The following CDCP1 variants were observed in gnomAD, a reference collection of about 807,000 sequenced individuals.
CDCP1 encodes CUB domain-containing protein 1.
Under a neutral mutation model 60.2 loss-of-function variants are expected in CDCP1, and 29 were observed. The ratio of observed to expected loss-of-function variants is 0.48; its 90% CI spans 0.36 to 0.66. CDCP1 has a LOEUF of 0.66. Ranked by LOEUF, CDCP1 falls within the 30% of genes least tolerant of loss-of-function variation. CDCP1 has a pLI of 0.00. For synonymous variants in CDCP1, 387 were observed against 431.1 expected (o/e 0.90, Z 1.27); for missense variants, 876 against 1,074.3 (o/e 0.82, Z 2.58).
intron 8 of CDCP1, among the ~76,000 whole-genome samples, chr3:45,086,425 T>G (rs529710924): frequency 7.3e-4 from 111 of 152,370 alleles, no homozygotes; most frequent in Non-Finnish European, 1.2e-3. Context: ...AAATGGGCAG[T>G]GTCCCAGACC....
At chr3:45,088,933 A>G (rs1698244969) in intron 8 of CDCP1, 121 bp downstream of exon 8, 2 of 823,742 alleles carry the variant, frequency 2.4e-6, no homozygotes, top group African/African-American at 3.4e-5. Flanking sequence ...ATTGTTTAAC[A>G]TTGATCTTTG....
chr3:45,087,600 C>A (rs1465567858), intron 8 of CDCP1, among the ~76,000 whole-genome samples: 2 of 152,190 alleles, frequency 1.3e-5, no homozygotes, highest in African/African-American at 4.8e-5. Flanking sequence ...ATAGGTACAG[C>A]CACTTCTCAT....
chr3:45,146,164 C>T (rs1211567616), intron 1 of CDCP1, 42 bp downstream of exon 1: 2 of 1,535,540 alleles, frequency 1.3e-6, no homozygotes, highest in South Asian at 1.2e-5. Context: ...GGCTGGCTAG[C>T]TCACCACTCC....
In CDCP1 at chr3:45,112,164, C is replaced by T. The variant is rs768077161; in HGVS notation, c.574G>A (p.Val192Met). Residue 192 changes from valine (V) to methionine (M), a missense_variant, in exon 3 of 9, where the codon GTG becomes ATG. Coordinates refer to ENST00000296129, the MANE Select transcript of CDCP1 (RefSeq NM_022842.5). ...TVSRIKMQEG[V>M]KMALHLPWFH... ...CATGGGAGGTGTAAGGCCATTTTCACTCCTTCTTGCATCTTGATCCGGGAC... is the reference window on the plus strand; with the variant it reads ...CATGGGAGGTGTAAGGCCATTTTCATTCCTTCTTGCATCTTGATCCGGGAC... 3 of 1,614,078 alleles carry T rather than the reference C, an allele frequency of 1.9e-6. No homozygotes were observed. Among genetic ancestry groups the T allele is most frequent in the African/African-American group, 1.3e-5 (1 of 74,922 alleles).
intron 2 of CDCP1, 75 bp from the exon 3 acceptor site, chr3:45,112,520 G>GC (rs1576099160): frequency 6.4e-7 from 1 of 1,553,660 alleles, no homozygotes; most frequent in East Asian, 2.3e-5. Flanking sequence ...CCACCACTCA[G>GC]CCCCCTGTAG....
At chr3:45,127,261 G>C (rs1169895261) in intron 1 of CDCP1, among the ~76,000 whole-genome samples, 8 of 152,196 alleles carry the variant, frequency 5.3e-5, no homozygotes, top group Non-Finnish European at 4.4e-5. Flanking sequence ...TTTGGGGCGT[G>C]GTTGTTCTTT....
At chr3:45,104,648 A>C (rs1179534656) in intron 4 of CDCP1, among the ~76,000 whole-genome samples, 2 of 152,206 alleles carry the variant, frequency 1.3e-5, no homozygotes, top group African/African-American at 4.8e-5. Context: ...GAAGGTTGCA[A>C]ATTAACCGCT....
chr3:45,121,853 A>G (rs996159828), intron 1 of CDCP1, among the ~76,000 whole-genome samples: 9 of 152,252 alleles, frequency 5.9e-5, no homozygotes, highest in African/African-American at 2.2e-4. Flanking sequence ...TAAAAAGAAA[A>G]AGTGTTCAAA....
At chr3:45,126,163 T>TTTCTTTCTTTC (rs1576113017) in intron 1 of CDCP1, among the ~76,000 whole-genome samples, 1 of 143,052 alleles carries the variant, frequency 7.0e-6, no homozygotes, top group East Asian at 2.0e-4. Context: ...TCTTTCTTTC[T>TTTCTTTCTTTC]TTCTTTCTTT....
chr3:45,132,494 G>C (rs1180575198), intron 1 of CDCP1, among the ~76,000 whole-genome samples: 1 of 152,092 alleles, frequency 6.6e-6, no homozygotes, highest in Non-Finnish European at 1.5e-5. Flanking sequence ...TCCACTCATG[G>C]GGGAGGAACA....
chr3:45,146,245 C>A lies in CDCP1; in HGVS notation c.43G>T (p.Val15Phe), dbSNP rs1456689850. 1.3e-6 allele frequency: 2 copies of A among 1,598,040 alleles called. No individual in the cohort carries two copies. The highest frequency in any genetic ancestry group is 1.7e-6 in the Non-Finnish European group (2 of 1,174,390). The change falls in exon 1 of 9, where the codon GTT becomes TTT. Residue 15 changes from valine to phenylalanine, a missense_variant. Transcript: ENST00000296129. The part of the protein sequence containing the change: ...NCGVSIALLG[V>F]LLLGAARLPR... ...AGGCGCGCCGCACCCAGCAGCAGAA[C>A]CCCTAGCAGTGCGATAGAGACCCCG...
At chr3:45,113,630 A>G (rs1698735574) in intron 2 of CDCP1, among the ~76,000 whole-genome samples, 1 of 152,200 alleles carries the variant, frequency 6.6e-6, no homozygotes, top group Non-Finnish European at 1.5e-5. Context: ...CCAGACCTCT[A>G]ATTTTTGCAA....
chr3:45,108,659 A>G (rs186267470), intron 4 of CDCP1, among the ~76,000 whole-genome samples: 2,403 of 125,606 alleles, frequency 0.019, 92 homozygotes, highest in African/African-American at 0.059. Context: ...AAAATGTCTC[A>G]ATGGATACAC....
At chr3:45,127,840 G>A (rs1028746447) in intron 1 of CDCP1, among the ~76,000 whole-genome samples, 5 of 152,190 alleles carry the variant, frequency 3.3e-5, no homozygotes, top group Admixed American at 1.3e-4. Context: ...GTGAAATGAT[G>A]GCTGCTTACC....
At chr3:45,099,520 G>A (rs1353015159) in intron 4 of CDCP1, among the ~76,000 whole-genome samples, 1 of 152,068 alleles carries the variant, frequency 6.6e-6, no homozygotes, top group Non-Finnish European at 1.5e-5. Context: ...GCCCCTTCCA[G>A]TTGGCAACTC....
At chr3:45,122,034 C>T (rs556818408) in intron 1 of CDCP1, among the ~76,000 whole-genome samples, 1 of 152,234 alleles carries the variant, frequency 6.6e-6, no homozygotes, top group Non-Finnish European at 1.5e-5. Flanking sequence ...ACCAAAATCT[C>T]TCCACTCAGT....
intron 1 of CDCP1, among the ~76,000 whole-genome samples, chr3:45,121,159 C>T (rs1698876974): frequency 6.6e-6 from 1 of 152,192 alleles, no homozygotes; most frequent in African/African-American, 2.4e-5. Context: ...TTACTTTCGG[C>T]TAATAAATCC....
intron 7 of CDCP1, among the ~76,000 whole-genome samples, chr3:45,089,847 A>G (rs1478130917): frequency 6.6e-6 from 1 of 152,208 alleles, no homozygotes; most frequent in African/African-American, 2.4e-5. Flanking sequence ...AGAGGAGGGT[A>G]GGAGAAAGCA....
Position 45,103,472 on chromosome 3 carries a change from T to C in CDCP1, c.1024+7001A>G, listed in dbSNP as rs72879990. On this transcript the variant is annotated intron_variant, in intron 4 of 8. Transcript: ENST00000296129. ...TTGTACAAGTGTTTGAGTAGACACA[T>C]AGTTTCCTTTCTCTTGAGTAAATAC... is the stretch of plus-strand genomic sequence containing the variant. 7.5e-3 allele frequency among the ~76,000 whole-genome samples: 1,148 copies of C among 152,340 alleles called. 16 individuals carry two copies. Among genetic ancestry groups the C allele is most frequent in the African/African-American group, 0.026 (1,093 of 41,566 alleles).
Sources: gnomAD v4.1 joint callset for allele counts (sites outside exome capture counted in the v4.1 genomes callset) on GRCh38, gnomAD v4.1.1 for gene constraint, MANE v1.5 for transcripts, NCBI Gene and HGNC (gene_info 2026-07-23, HGNC 2026-07-21) for gene names.